WDR70: variants seen among roughly 807,000 people sequenced by gnomAD.
WDR70 encodes WD repeat-containing protein 70.
WDR70 carries 53 observed loss-of-function variants against 88.6 expected under a neutral mutation model. The observed-to-expected ratio is 0.60, with a 90% CI of 0.48 to 0.75. The LOEUF (loss-of-function observed/expected upper bound fraction) is 0.75. Ranked by LOEUF, WDR70 falls within the 30% of genes least tolerant of loss-of-function variation. WDR70 has a pLI of 0.00. For missense variants in WDR70, 610 were observed against 823.2 expected, an observed-to-expected ratio of 0.74 and a Z score of 3.17; for synonymous variants, 280 against 270.0, an observed-to-expected ratio of 1.04 and a Z score of -0.36.
chr5:37,749,161 T>C (rs988574325), intron 17 of WDR70, among the ~76,000 whole-genome samples: 1 of 152,242 alleles, frequency 6.6e-6, no homozygotes, highest in Non-Finnish European at 1.5e-5. Context: ...TGCACACGTA[T>C]GTTTATTGCA....
intron 8 of WDR70, among the ~76,000 whole-genome samples, chr5:37,490,688 G>A (rs747203557): frequency 1.3e-5 from 2 of 152,040 alleles, no homozygotes; most frequent in Non-Finnish European, 1.5e-5. Context: ...CTTTGTTGCC[G>A]GGGGTAGGTG....
At chr5:37,382,692 C>T (rs1581237746) in intron 3 of WDR70, among the ~76,000 whole-genome samples, 1 of 152,140 alleles carries the variant, frequency 6.6e-6, no homozygotes, top group Non-Finnish European at 1.5e-5. Context: ...GTGTGAGCCA[C>T]CGCACCCGGC....
intron 9 of WDR70, among the ~76,000 whole-genome samples, chr5:37,521,151 C>T (rs1051180474): frequency 1.3e-5 from 2 of 152,118 alleles, no homozygotes; most frequent in African/African-American, 4.8e-5. Flanking sequence ...ATGGTGGGCT[C>T]TCATAGTTGA....
intron 8 of WDR70, among the ~76,000 whole-genome samples, chr5:37,514,118 G>A (rs374781810): frequency 2.0e-5 from 3 of 151,426 alleles, no homozygotes; most frequent in Non-Finnish European, 2.9e-5. Context: ...GGGTTCAAGG[G>A]ATCCTCCCAC....
intron 4 of WDR70, among the ~76,000 whole-genome samples, chr5:37,392,753 TCCTGCCTTAG>T (rs1561835129): frequency 6.6e-6 from 1 of 152,010 alleles, no homozygotes; most frequent in Non-Finnish European, 1.5e-5. Context: ...CAAGTGATTT[TCCTGCCTTAG>T]CCTCCCAAGT....
At chr5:37,749,793 C>T (rs1748749146) in intron 17 of WDR70, among the ~76,000 whole-genome samples, 3 of 144,390 alleles carry the variant, frequency 2.1e-5, no homozygotes, top group African/African-American at 5.0e-5. Flanking sequence ...CTGATGCAAA[C>T]ATTTACTCAA....
chr5:37,552,213 A>G (rs543849924), intron 9 of WDR70, among the ~76,000 whole-genome samples: 7 of 152,306 alleles, frequency 4.6e-5, no homozygotes, highest in African/African-American at 1.7e-4. Flanking sequence ...TAATATATTT[A>G]CTTCCATTCT....
At chr5:37,414,209 G>A (rs1026346890) in intron 5 of WDR70, among the ~76,000 whole-genome samples, 5 of 151,358 alleles carry the variant, frequency 3.3e-5, no homozygotes, top group African/African-American at 1.2e-4. Flanking sequence ...CAAACGTCTG[G>A]TTTCTTCCTA....
chr5:37,639,519 T>TTTGTTG (rs570968087), intron 10 of WDR70, among the ~76,000 whole-genome samples: 8 of 152,014 alleles, frequency 5.3e-5, no homozygotes, highest in South Asian at 2.1e-4. Flanking sequence ...TCTTAATTCC[T>TTTGTTG]TTGTTGTTGT....
chr5:37,731,457 T>A (rs1247273374), intron 17 of WDR70, among the ~76,000 whole-genome samples: 1 of 152,168 alleles, frequency 6.6e-6, no homozygotes, highest in Non-Finnish European at 1.5e-5. Context: ...AATAGCATGC[T>A]TTAGCCTTCA....
chr5:37,730,010 A>G (rs765509648), intron 17 of WDR70, among the ~76,000 whole-genome samples: 3 of 151,938 alleles, frequency 2.0e-5, no homozygotes, highest in Non-Finnish European at 4.4e-5. Flanking sequence ...CGTATTTCCT[A>G]TGTGAAGGGT....
At chr5:37,596,514 C>T (rs1743705336) in intron 9 of WDR70, among the ~76,000 whole-genome samples, 1 of 152,108 alleles carries the variant, frequency 6.6e-6, no homozygotes, top group African/African-American at 2.4e-5. Context: ...GTTACAGACC[C>T]TTTTCACTCC....
chr5:37,421,448 A>C (rs527812475), intron 5 of WDR70, among the ~76,000 whole-genome samples: 2 of 152,214 alleles, frequency 1.3e-5, no homozygotes, highest in Admixed American at 6.5e-5. Flanking sequence ...TGACAGACCT[A>C]TCTCTTTCAT....
chr5:37,728,357 A>C (rs2366667), intron 17 of WDR70, among the ~76,000 whole-genome samples: 34,901 of 102,080 alleles, frequency 0.34, 4,880 homozygotes, highest in East Asian at 0.5. Context: ...CCAAAAAAAA[A>C]AAAAAACAAA....
At chr5:37,702,887 A>G in intron 12 of WDR70, 62 bp from the exon 13 acceptor site, 2 of 1,500,572 alleles carry the variant, frequency 1.3e-6, no homozygotes, top group South Asian at 1.3e-5. Flanking sequence ...TTAATTCACT[A>G]ATGATTGCTG....
intron 8 of WDR70, among the ~76,000 whole-genome samples, chr5:37,497,546 C>T (rs1740269604): frequency 6.6e-6 from 1 of 150,988 alleles, no homozygotes; most frequent in African/African-American, 2.4e-5. Flanking sequence ...CTTTCCTTTC[C>T]TTCCACATGC....
At chr5:37,701,225 C>A in intron 12 of WDR70, 83 bp downstream of exon 12, 2 of 855,006 alleles carry the variant, frequency 2.3e-6, no homozygotes, top group Non-Finnish European at 1.9e-6. Flanking sequence ...TTATATCATA[C>A]GTCTTTTAGA....
intron 8 of WDR70, among the ~76,000 whole-genome samples, chr5:37,513,253 C>A (rs1345570273): frequency 6.6e-6 from 1 of 152,130 alleles, no homozygotes; most frequent in African/African-American, 2.4e-5. Context: ...GCCATGTTTT[C>A]TTACATAGAG....
chr5:37,420,771 G>A (rs192240534), intron 5 of WDR70, among the ~76,000 whole-genome samples: 17 of 152,170 alleles, frequency 1.1e-4, no homozygotes, highest in African/African-American at 4.1e-4. Context: ...AAAATAAGCC[G>A]AGTGTGCTGG....
Sources: gnomAD v4.1 joint callset for allele counts (sites outside exome capture counted in the v4.1 genomes callset) on GRCh38, gnomAD v4.1.1 for gene constraint, MANE v1.5 for transcripts, NCBI Gene and HGNC (gene_info 2026-07-23, HGNC 2026-07-21) for gene names.